Variants in KDM2B observed in about 807,000 individuals in gnomAD.
The protein encoded by KDM2B is lysine demethylase 2B.
KDM2B carries 26 observed loss-of-function variants against 150.0 expected under a neutral mutation model. The observed-to-expected ratio is 0.17, with a 90% confidence interval of 0.13 to 0.24. The LOEUF (loss-of-function observed/expected upper bound fraction) is 0.24. Among genes scored for constraint, KDM2B ranks in the 10% least tolerant of loss-of-function variants. KDM2B has a pLI of 1.00. For missense variants in KDM2B, 1,265 were observed against 1,816.9 expected, an observed-to-expected ratio of 0.70 and a Z score of 5.52; for synonymous variants, 734 against 729.5, an observed-to-expected ratio of 1.01 and a Z score of -0.10.
chr12:121,483,986 G>A (rs782784636), intron 12 of KDM2B, among the ~76,000 whole-genome samples: 1 of 152,136 alleles, frequency 6.6e-6, no homozygotes, highest in African/African-American at 2.4e-5. Flanking sequence ...CAAGGGGAGG[G>A]AACAGTGACC....
intron 6 of KDM2B, among the ~76,000 whole-genome samples, chr12:121,545,311 A>C (rs1047136820): frequency 2.0e-5 from 3 of 152,080 alleles, no homozygotes; most frequent in African/African-American, 7.2e-5. Context: ...CCGTAGCTCT[A>C]TTCGCCACAC....
Position 121,467,368 on chromosome 12 carries a change from A to G in KDM2B, c.1735-14024T>C, listed in dbSNP as rs1423804224. The G allele has an allele frequency of 2.0e-6, 2 of 979,824 alleles. No homozygotes were observed. The highest frequency in any genetic ancestry group is 1.2e-6 in the Non-Finnish European group (1 of 827,828). 60.7% of individuals were successfully genotyped at this position (979,824 alleles called of 1,614,324 possible). A position where few individuals can be genotyped will look rare whatever the true frequency, so the allele number is the denominator to read the frequency against. On this transcript the variant is annotated intron_variant, in intron 12 of 22. Transcript: ENST00000377071. This position sits in a 1 kb window ranked among gnomAD's most constrained non-coding sequence, Gnocchi z 5.1. ...GAGGGAGCCGCGCCGCGCGCCTCGC[A>G]CGCCCGCGCTGGAGGGGGCGGGGAG...
At chr12:121,579,643 G>C (rs1555317547) in intron 1 of KDM2B, 4 of 1,341,348 alleles carry the variant, frequency 3.0e-6, no homozygotes, top group African/African-American at 1.5e-5. Context: ...ACAAGCGCGC[G>C]CGCACACTCA....
At chr12:121,563,332 C>T (rs1342267236) in intron 4 of KDM2B, among the ~76,000 whole-genome samples, 2 of 151,640 alleles carry the variant, frequency 1.3e-5, no homozygotes, top group Non-Finnish European at 2.9e-5. Flanking sequence ...GAAGGCCGGG[C>T]TCGATGGCTC....
chr12:121,459,068 G>C (rs1555293375), intron 12 of KDM2B, among the ~76,000 whole-genome samples: 1 of 139,768 alleles, frequency 7.2e-6, no homozygotes, highest in Non-Finnish European at 1.5e-5. Context: ...CCTGGCAACA[G>C]AGCGAGACTC....
chr12:121,416,126 G>C, the KDM2B span: 1 of 1,582,450 alleles, frequency 6.3e-7, no homozygotes, highest in Admixed American at 1.7e-5. Context: ...ATTCCACTTA[G>C]CTTTAAACTG....
chr12:121,516,011 T>G (rs182406221), intron 9 of KDM2B, among the ~76,000 whole-genome samples: 43 of 152,252 alleles, frequency 2.8e-4, no homozygotes, highest in Non-Finnish European at 5.3e-4. Flanking sequence ...GAGGGGCTCC[T>G]AGGCATGAAG....
chr12:121,510,703 G>C (rs1345323610), intron 10 of KDM2B, among the ~76,000 whole-genome samples: 2 of 151,998 alleles, frequency 1.3e-5, no homozygotes, highest in Non-Finnish European at 2.9e-5. Context: ...TGAGATGGGA[G>C]GATCACTTGA....
At position 121,444,443 on chromosome 12, in the gene KDM2B, C is replaced by T. The variant is rs1387283376; in HGVS notation, c.2190+7G>A. The T allele has an allele frequency of 6.2e-7, 1 of 1,614,142 alleles. No individual in the cohort carries two copies. The highest frequency in any genetic ancestry group is 8.5e-7 in the Non-Finnish European group (1 of 1,179,984). On this transcript the variant is annotated splice_region_variant and intron_variant, in intron 15 of 22. Coordinates refer to ENST00000377071, the MANE Select transcript of KDM2B (RefSeq NM_032590.5). ...ACTGACCCTGGGACTTGGAGCCCGGCACTCACTTTCCCGGTCTTGCCGGCG... is the reference window on the plus strand; with the variant it reads ...ACTGACCCTGGGACTTGGAGCCCGGTACTCACTTTCCCGGTCTTGCCGGCG...
downstream of KDM2B, among the ~76,000 whole-genome samples, chr12:121,425,306 C>CAAA (rs562993599): frequency 2.5e-5 from 2 of 79,132 alleles, no homozygotes; most frequent in Non-Finnish European, 3.3e-5. Flanking sequence ...AACTCCGTCT[C>CAAA]AAAAAAAAAA....
chr12:121,430,325 C>T lies in KDM2B; in HGVS notation c.3974G>A (p.Gly1325Glu), dbSNP rs1872795716. The T allele has an allele frequency of 6.2e-7, 1 of 1,614,148 alleles. No homozygotes were observed. The highest frequency in any genetic ancestry group is 1.1e-5 in the South Asian group (1 of 91,080). ...IAEMSVSVQF[G>E]QVEEKLLQKL... is the part of the protein sequence containing the mutation. The stretch of plus-strand genomic sequence containing the variant: ...TTGCAGGAGTTTTTCTTCTACTTGC[C>T]CAAACTGGACACTCACAGACATCTC... Residue 1325 changes from glycine (G) to glutamate (E), a missense_variant, in exon 23 of 23, where the codon GGG (glycine) becomes GAG (glutamate). By Grantham distance (98) the Gly-to-Glu change is moderately conservative (BLOSUM62 -2). Coordinates refer to ENST00000377071, the MANE Select transcript of KDM2B (RefSeq NM_032590.5). This position sits in a 1 kb window ranked among gnomAD's most constrained non-coding sequence, Gnocchi z 4.4.
rs782446558 is a variant in KDM2B, at chr12:121,442,793, T to C, written c.2648A>G (p.Asn883Ser). ...KNAEDRMALA[N>S]KPLRRFKQEP... ...CTGCTTGAAGCGCCGGAGGGGCTTG[T>C]TGGCCAGCGCCATGCGGTCCTCGGC... Residue 883 changes from asparagine (N) to serine (S), a missense_variant, in exon 19 of 23, where the codon AAC (asparagine) becomes AGC (serine). Coordinates refer to ENST00000377071, the MANE Select transcript of KDM2B (RefSeq NM_032590.5). The surrounding 1 kb of genome is among the most constrained non-coding windows in gnomAD (Gnocchi z 7.7). 3.2e-6 allele frequency: 5 copies of C among 1,538,894 alleles called. No homozygotes were observed. Among genetic ancestry groups the C allele is most frequent in the East Asian group, 4.5e-5 (2 of 44,402 alleles).
chr12:121,411,659 A>G, the KDM2B span, among the ~76,000 whole-genome samples: 1 of 152,234 alleles, frequency 6.6e-6, no homozygotes, highest in Non-Finnish European at 1.5e-5. Flanking sequence ...TTATAATGTT[A>G]CATTGTCTGT....
In KDM2B at chr12:121,537,820, G is replaced by C. The variant is rs1168834763; in HGVS notation, c.684-3230C>G. On this transcript the variant is annotated intron_variant, in intron 6 of 22. Transcript: ENST00000377071. The surrounding 1 kb of genome is among the most constrained non-coding windows in gnomAD (Gnocchi z 8.7). ...ACACAAAGAGCGGCTCCGCGACGCC[G>C]GCCCTGTAGCCCGCGGGCGGGAGGC... 6.6e-6 allele frequency among the ~76,000 whole-genome samples: 1 copy of C among 151,688 alleles called. No homozygotes were observed. The highest frequency in any genetic ancestry group is 1.5e-5 in the Non-Finnish European group (1 of 67,828).
chr12:121,536,589 C>A (rs1023537145), intron 6 of KDM2B, among the ~76,000 whole-genome samples: 2 of 152,134 alleles, frequency 1.3e-5, no homozygotes, highest in African/African-American at 2.4e-5. Context: ...ACGGACCACA[C>A]TGGCCTCTTC....
chr12:121,423,263 A>T, the KDM2B span: 1 of 656,362 alleles, frequency 1.5e-6, no homozygotes, highest in Admixed American at 2.9e-5. The surrounding 1 kb of genome is among the most constrained non-coding windows in gnomAD (Gnocchi z 4.3). Context: ...CTTGTACAAC[A>T]CTGGGGTGGC....
chr12:121,514,556 G>GTC (rs1555304551), intron 9 of KDM2B, among the ~76,000 whole-genome samples: 1 of 151,636 alleles, frequency 6.6e-6, no homozygotes, highest in Non-Finnish European at 1.5e-5. Context: ...CCACACGATG[G>GTC]TCTCACATGC....
At position 121,575,642 on chromosome 12, in the gene KDM2B, G is replaced by A; in HGVS notation, c.350+139C>T. The A allele has an allele frequency of 1.4e-6, 1 of 692,502 alleles. No homozygotes were observed. 42.9% of individuals were successfully genotyped at this position (692,502 alleles called of 1,614,324 possible). ...TCCCCTTTGTCAGGCCTTGAACAAG[G>A]AGATGCTGTTCCCAGATCGTGAAAA... On this transcript the variant is annotated intron_variant, in intron 3 of 22. Transcript: ENST00000377071. The surrounding 1 kb of genome is among the most constrained non-coding windows in gnomAD (Gnocchi z 4.4).
At chr12:121,477,196 A>G (rs1881480559) in intron 12 of KDM2B, among the ~76,000 whole-genome samples, 1 of 151,756 alleles carries the variant, frequency 6.6e-6, no homozygotes, top group African/African-American at 2.4e-5. Flanking sequence ...ATCTCATCCA[A>G]CTAGCTGGGA....
Sources: gnomAD v4.1 joint callset for allele counts (sites outside exome capture counted in the v4.1 genomes callset) on GRCh38, gnomAD v4.1.1 for gene constraint, Gnocchi (gnomAD v3.1) non-coding constraint, MANE v1.5 for transcripts, NCBI Gene and HGNC (gene_info 2026-07-23, HGNC 2026-07-21) for gene names.